Variants in EIF4G3 observed in about 807,000 individuals in gnomAD.
EIF4G3 encodes the protein eIF-4-gamma 3.
Under a neutral mutation model 186.4 loss-of-function variants are expected in EIF4G3, and 34 were observed. That is an observed-to-expected ratio of 0.18 (90% CI 0.14 to 0.24). EIF4G3 has a LOEUF of 0.24. Among genes scored for constraint, EIF4G3 ranks in the 10% least tolerant of loss-of-function variants. The pLI, the probability that EIF4G3 is intolerant of heterozygous loss-of-function variation, is 1.00. For missense variants in EIF4G3, 1,536 were observed against 1,948.5 expected (o/e 0.79, Z 3.99); for synonymous variants, 673 against 679.5 (o/e 0.99, Z 0.15).
Position 20,863,378 on chromosome 1 carries a change from T to TA in EIF4G3, c.3007-1047dup, listed in dbSNP as rs3051243. 7.1e-3 allele frequency among the ~76,000 whole-genome samples: 727 copies of TA among 102,410 alleles called. 8 individuals are homozygous for TA. The highest frequency in any genetic ancestry group is 0.019 in the African/African-American group (460 of 24,312). The allele number at this position is 102,410 out of a possible 152,430, so 67.2% of individuals were successfully genotyped here. The stretch of plus-strand genomic sequence containing the variant: ...TGAGACCCATCATCTCTACAAAAAG[T>TA]AAAAAAAAAAAAAAAAAAAAAAAAT... On this transcript the variant is annotated intron_variant, in intron 22 of 36. Coordinates refer to ENST00000602326, the MANE Select transcript of EIF4G3 (RefSeq NM_001391906.1).
At chr1:21,141,250 C>G (rs967627113) in intron 2 of EIF4G3, among the ~76,000 whole-genome samples, 2 of 152,128 alleles carry the variant, frequency 1.3e-5, no homozygotes, top group African/African-American at 4.8e-5. Context: ...ACTCACCAAA[C>G]TGTTTCTCTT....
chr1:20,857,647 A>ATTG (rs2075346329), intron 24 of EIF4G3, 150 bp from the exon 25 acceptor site: 1 of 716,450 alleles, frequency 1.4e-6, no homozygotes, highest in South Asian at 1.7e-5. Flanking sequence ...TGGCAGGAAA[A>ATTG]TATAAGCAGA....
intron 12 of EIF4G3, among the ~76,000 whole-genome samples, chr1:20,950,664 AC>A (rs2096172022): frequency 6.6e-6 from 1 of 152,232 alleles, no homozygotes; most frequent in African/African-American, 2.4e-5. Flanking sequence ...AAGCAATTTT[AC>A]CATAAAATGT....
At chr1:21,042,274 A>G (rs1286083136) in intron 4 of EIF4G3, among the ~76,000 whole-genome samples, 9 of 152,202 alleles carry the variant, frequency 5.9e-5, no homozygotes, top group Non-Finnish European at 1.3e-4. Context: ...CACCTCACCC[A>G]GCCCAACATT....
At chr1:21,099,555 G>A (rs938777557) in intron 2 of EIF4G3, among the ~76,000 whole-genome samples, 2 of 152,228 alleles carry the variant, frequency 1.3e-5, no homozygotes, top group African/African-American at 4.8e-5. Context: ...CCCTGTCCCT[G>A]AGGGAGTGCT....
intron 2 of EIF4G3, among the ~76,000 whole-genome samples, chr1:21,170,165 A>C (rs1442909939): frequency 6.9e-6 from 1 of 145,074 alleles, no homozygotes; most frequent in South Asian, 2.2e-4. Context: ...GACAAGAGTG[A>C]AACTCCATCT....
intron 14 of EIF4G3, among the ~76,000 whole-genome samples, chr1:20,929,801 A>G (rs1389216372): frequency 3.3e-5 from 5 of 152,200 alleles, no homozygotes; most frequent in African/African-American, 1.2e-4. Context: ...GAAAAAGGGT[A>G]AGACTCAGGA....
chr1:21,161,362 G>C (rs942235647), intron 2 of EIF4G3: 6 of 151,694 alleles, frequency 4.0e-5, no homozygotes, highest in Non-Finnish European at 5.9e-5. Flanking sequence ...AATTAGCAGG[G>C]CGTGGTGGCG....
chr1:21,111,422 A>T (rs2096723991), intron 2 of EIF4G3: 1 of 470,254 alleles, frequency 2.1e-6, no homozygotes, highest in Middle Eastern at 3.3e-4. Context: ...TGATGGGCTT[A>T]GCACATACTA....
chr1:21,022,916 G>A (rs2091090569), intron 4 of EIF4G3, among the ~76,000 whole-genome samples: 1 of 152,042 alleles, frequency 6.6e-6, no homozygotes, highest in South Asian at 2.1e-4. Context: ...CTTTTACTAT[G>A]AATAACAAGC....
rs1409541234 is a variant in EIF4G3, at chr1:21,147,522, A to G, written c.-272+28653T>C. Reference sequence around the variant, plus strand: ...CGCCTGGCTAATTTTTAGTAGAGACAGGGTCTCCCTATGTTGGCCAGGCTG... The same window carrying G: ...CGCCTGGCTAATTTTTAGTAGAGACGGGGTCTCCCTATGTTGGCCAGGCTG... On this transcript the variant is annotated intron_variant, in intron 2 of 36. Coordinates refer to ENST00000602326, the MANE Select transcript of EIF4G3 (RefSeq NM_001391906.1). Among the ~76,000 whole-genome samples the G allele has an allele frequency of 2.6e-5, 4 of 151,832 alleles. No individual in the cohort carries two copies. The East Asian group carries it at 7.9e-4, about 30-fold the overall frequency.
chr1:20,815,574 C>A (rs1557744762), intron 34 of EIF4G3, among the ~76,000 whole-genome samples: 4 of 151,796 alleles, frequency 2.6e-5, no homozygotes, highest in Non-Finnish European at 5.9e-5. Context: ...GTGGGGAGCC[C>A]CTCCGTCCGG....
chr1:20,829,099 T>C (rs769734712), intron 31 of EIF4G3, 48 bp downstream of exon 31: 2 of 1,592,700 alleles, frequency 1.3e-6, no homozygotes, highest in South Asian at 1.1e-5. Context: ...AAGTGAGTTA[T>C]TAGTCAGTTC....
chr1:21,038,371 G>T (rs2093361832), intron 4 of EIF4G3, among the ~76,000 whole-genome samples: 1 of 152,154 alleles, frequency 6.6e-6, no homozygotes, highest in Admixed American at 6.5e-5. Context: ...TACAATGTCT[G>T]CAATGCTGGC....
intron 2 of EIF4G3, among the ~76,000 whole-genome samples, chr1:21,132,823 C>T (rs1268371648): frequency 6.6e-6 from 1 of 152,112 alleles, no homozygotes; most frequent in East Asian, 1.9e-4. Context: ...TGCTCTGTCA[C>T]CCAGTCTGGA....
chr1:21,068,457 T>C (rs750824198), intron 3 of EIF4G3, among the ~76,000 whole-genome samples: 93 of 151,144 alleles, frequency 6.2e-4, no homozygotes, highest in Non-Finnish European at 1.3e-3. Context: ...AAATTACATG[T>C]CTCCAAGTCC....
chr1:20,950,060 C>T lies in EIF4G3; in HGVS notation c.766G>A (p.Glu256Lys). ...GTGCTGGCAGCAAGATGAGCGCTCT[C>T]CACAGTCCCATAAACCACAGGGCTG... ...EHSPVVYGTV[E>K]SAHLAASTPV... The change falls in exon 13 of 37, where the codon GAG becomes AAG. Residue 256 changes from glutamate (E) to lysine (K), a missense_variant. Physicochemically the swap from Glu to Lys is moderately conservative, Grantham distance 56. Around this residue, in one of 11 missense-constraint regions of EIF4G3, gnomAD observed 560 missense variants for 547.8 expected, o/e 1.02. Coordinates refer to ENST00000602326, the MANE Select transcript of EIF4G3 (RefSeq NM_001391906.1). The T allele has an allele frequency of 6.2e-7, 1 of 1,612,978 alleles. No homozygotes were observed. The highest frequency in any genetic ancestry group is 1.1e-5 in the South Asian group (1 of 90,940).
At chr1:21,002,687 T>C (rs780828937) in intron 5 of EIF4G3, 26 bp downstream of exon 5, 3 of 1,610,688 alleles carry the variant, frequency 1.9e-6, no homozygotes, top group Admixed American at 1.7e-5. Flanking sequence ...GAGAATGTAA[T>C]TTGGTTCAAG....
rs761173511 is a variant in EIF4G3 at position 20,862,261 on chromosome 1, C to A, written c.3078G>T (p.Arg1026=). The change falls in exon 23 of 37, where the codon CGG becomes CGT. Residue 1026 remains arginine, a synonymous_variant. Coordinates refer to ENST00000602326, the MANE Select transcript of EIF4G3 (RefSeq NM_001391906.1). The part of the protein sequence containing the change: ...VKERKTSSRI[R]FMLQDVIDLR... Reference sequence around the variant, plus strand: ...GGTCTATAACATCTTGAAGCATGAACCGAATCCTAGATGAGGTTTTTCTTT... The same window carrying A: ...GGTCTATAACATCTTGAAGCATGAAACGAATCCTAGATGAGGTTTTTCTTT... 8 of 1,611,864 alleles carry A rather than the reference C, an allele frequency of 5.0e-6. No individual in the cohort carries two copies. Among genetic ancestry groups the A allele is most frequent in the Non-Finnish European group, 6.8e-6 (8 of 1,178,706 alleles).
Sources: gnomAD v4.1 joint callset for allele counts (sites outside exome capture counted in the v4.1 genomes callset) on GRCh38, gnomAD v4.1.1 for gene constraint, gnomAD v4.1.1 regional missense constraint, MANE v1.5 for transcripts, NCBI Gene and HGNC (gene_info 2026-07-23, HGNC 2026-07-21) for gene names.